Variants in L3HYPDH observed in about 807,000 individuals in gnomAD.
L3HYPDH encodes trans-3-hydroxy-L-proline dehydratase.
L3HYPDH carries 32 observed loss-of-function variants against 26.5 expected under a neutral mutation model. That is an observed-to-expected ratio of 1.21 (90% CI 0.91 to 1.62). The LOEUF (loss-of-function observed/expected upper bound fraction) is 1.62, where lower values mean the gene tolerates loss of function less well. Ranked by LOEUF, L3HYPDH falls within the 40% of genes most tolerant of loss-of-function variation. The pLI is 0.00. For missense variants in L3HYPDH, 554 were observed against 476.4 expected (o/e 1.16, Z -1.52); for synonymous variants, 215 against 196.6 (o/e 1.09, Z -0.78).
At chr14:59,466,054 T>C (rs1889165158) in intron 1 of L3HYPDH, among the ~76,000 whole-genome samples, 1 of 152,170 alleles carries the variant, frequency 6.6e-6, no homozygotes, top group Admixed American at 6.5e-5. Flanking sequence ...CCCATGACTC[T>C]AAACCCCGTA....
At chr14:59,468,257 T>G (rs1251281820), downstream of L3HYPDH, among the ~76,000 whole-genome samples, 2 of 152,176 alleles carry the variant, frequency 1.3e-5, no homozygotes, top group African/African-American at 4.8e-5. Context: ...CCCCATTTAT[T>G]TTAGAATAAG....
chr14:59,472,134 C>T (rs923121014), downstream of L3HYPDH, among the ~76,000 whole-genome samples: 2 of 152,158 alleles, frequency 1.3e-5, no homozygotes, highest in Non-Finnish European at 2.9e-5. Context: ...TATTTTAATG[C>T]TTCAGCTATT....
At chr14:59,473,922 A>C (rs1391163370) in intron 4 of L3HYPDH, among the ~76,000 whole-genome samples, 1 of 151,826 alleles carries the variant, frequency 6.6e-6, no homozygotes, top group African/African-American at 2.4e-5. Flanking sequence ...GGGCCCACAC[A>C]GACAGGGAGA....
chr14:59,474,439 C>A, intron 4 of L3HYPDH: 1 of 676,148 alleles, frequency 1.5e-6, no homozygotes, highest in East Asian at 2.8e-5. Context: ...ACTTGCCAAC[C>A]TGGACTTGTC....
At chr14:59,500,998 C>A in the L3HYPDH span, 1 of 529,306 alleles carries the variant, frequency 1.9e-6, no homozygotes, top group South Asian at 2.5e-5. Flanking sequence ...AAATGCAGGG[C>A]TGAAACTATT....
chr14:59,489,542 T>G, the L3HYPDH span, among the ~76,000 whole-genome samples: 1 of 152,254 alleles, frequency 6.6e-6, no homozygotes, highest in Non-Finnish European at 1.5e-5. Flanking sequence ...TTCCCTCACC[T>G]TCCTGTCTTC....
upstream of L3HYPDH, chr14:59,487,494 AT>A (rs1890671576): frequency 7.8e-6 from 4 of 510,526 alleles, no homozygotes; most frequent in African/African-American, 1.9e-5. Flanking sequence ...TTGTACAAAT[AT>A]AGCACATACA....
intron 4 of L3HYPDH, chr14:59,475,041 G>GATCA (rs138067961): frequency 0.067 from 10,227 of 152,210 alleles, 381 homozygotes; most frequent in African/African-American, 0.1. Context: ...ACTGAATGTA[G>GATCA]ATCATTCTGT....
downstream of L3HYPDH, among the ~76,000 whole-genome samples, chr14:59,468,286 T>C (rs1264796942): frequency 2.0e-5 from 3 of 152,224 alleles, no homozygotes; most frequent in Non-Finnish European, 4.4e-5. Flanking sequence ...TCCTTAATAT[T>C]TCCTACAAGG....
At chr14:59,502,773 T>TTTTTTTTTTTTTTTTTTTTTTTTTTTTG in the L3HYPDH span, among the ~76,000 whole-genome samples, 1 of 102,836 alleles carries the variant, frequency 9.7e-6, no homozygotes, top group Non-Finnish European at 1.8e-5. Context: ...TTTTTTTTTT[T>TTTTTTTTTTTTTTTTTTTTTTTTTTTTG]CGGAGTCTCA....
chr14:59,501,809 A>G, the L3HYPDH span, among the ~76,000 whole-genome samples: 1 of 152,146 alleles, frequency 6.6e-6, no homozygotes, highest in Non-Finnish European at 1.5e-5. Context: ...TTTTCACAGT[A>G]TTCATTTTGT....
the L3HYPDH span, among the ~76,000 whole-genome samples, chr14:59,491,679 A>T: frequency 6.6e-6 from 1 of 152,216 alleles, no homozygotes. Flanking sequence ...AAACTATGTG[A>T]GACATTGCTG....
At chr14:59,484,733 G>T, upstream of L3HYPDH, 1 of 1,130,724 alleles carries the variant, frequency 8.8e-7, no homozygotes, top group Non-Finnish European at 1.3e-6. Flanking sequence ...CCGCCCTCGG[G>T]CCGGGCTCCG....
the L3HYPDH span, among the ~76,000 whole-genome samples, chr14:59,499,231 T>C: frequency 2.8e-3 from 420 of 152,042 alleles, 2 homozygotes; most frequent in African/African-American, 9.8e-3. Context: ...TTTCACCATG[T>C]TGGCCACATT....
chr14:59,491,348 T>C, the L3HYPDH span, among the ~76,000 whole-genome samples: 1 of 152,206 alleles, frequency 6.6e-6, no homozygotes, highest in Non-Finnish European at 1.5e-5. Context: ...ATTAGTTTAA[T>C]GAGAGGAGTT....
At chr14:59,483,671 G>A (rs1256138240) in intron 1 of L3HYPDH, 138 bp downstream of exon 1, 2 of 1,453,750 alleles carry the variant, frequency 1.4e-6, no homozygotes, top group Non-Finnish European at 1.8e-6. Context: ...CACGTTGGCA[G>A]TGATTTACCT....
chr14:59,495,330 T>A, the L3HYPDH span: 1 of 785,440 alleles, frequency 1.3e-6, no homozygotes, highest in Non-Finnish European at 2.1e-6. Flanking sequence ...GTTTGAGTTC[T>A]GGGTCTGCCA....
chr14:59,483,616 G>C (rs934438575), intron 1 of L3HYPDH, 193 bp downstream of exon 1: 3 of 1,434,944 alleles, frequency 2.1e-6, no homozygotes, highest in Non-Finnish European at 2.7e-6. Context: ...ATGGGAGTCA[G>C]GGAAAATCGA....
In L3HYPDH at chr14:59,484,386, C is replaced by G. The variant is rs931955854; in HGVS notation, c.-70G>C. ...CAAGCCCGACCCTCACCCACTGACT[C>G]CGCGGGAGGAGGGCGGGACGCTAAC... is the stretch of plus-strand genomic sequence containing the variant. On this transcript the variant is annotated 5_prime_UTR_variant, in exon 1 of 5. Coordinates refer to ENST00000247194, the MANE Select transcript of L3HYPDH (RefSeq NM_144581.2). The G allele has an allele frequency of 3.4e-6, 5 of 1,483,324 alleles. No individual in the cohort carries two copies. Among genetic ancestry groups the G allele is most frequent in the South Asian group, 1.2e-5 (1 of 80,246 alleles). The allele number at this position is 1,483,324 out of a possible 1,614,324, so 91.9% of individuals were successfully genotyped here.
Sources: allele counts gnomAD v4.1 joint callset (sites outside exome capture counted in the v4.1 genomes callset), GRCh38; gene constraint gnomAD v4.1.1; transcripts MANE v1.5; gene names NCBI Gene and HGNC (gene_info 2026-07-23, HGNC 2026-07-21).